The following SRGAP1 variants were observed in gnomAD, a reference collection of about 807,000 sequenced individuals.
SRGAP1 encodes SLIT-ROBO Rho GTPase-activating protein 1.
Under a neutral mutation model 121.9 loss-of-function variants are expected in SRGAP1, and 43 were observed. That is an observed-to-expected ratio of 0.35 (90% confidence interval 0.28 to 0.46). The LOEUF (loss-of-function observed/expected upper bound fraction) is 0.46, where lower values mean the gene tolerates loss of function less well. Among genes scored for constraint, SRGAP1 ranks in the 20% least tolerant of loss-of-function variants. The pLI, the probability that SRGAP1 is intolerant of heterozygous loss-of-function variation, is 1.00. For synonymous variants in SRGAP1, 447 were observed against 485.4 expected, an observed-to-expected ratio of 0.92 and a Z score of 1.04; for missense variants, 1,102 against 1,350.9, an observed-to-expected ratio of 0.82 and a Z score of 2.89.
At chr12:63,982,107 A>T (rs980517963) in intron 1 of SRGAP1, among the ~76,000 whole-genome samples, 1 of 152,014 alleles carries the variant, frequency 6.6e-6, no homozygotes, top group Non-Finnish European at 1.5e-5. Context: ...CAGCTACTCG[A>T]GGCTGAGACA....
Position 64,153,487 on chromosome 12 carries a change from A to C in SRGAP1, c.*10815A>C, listed in dbSNP as rs576006726. 2.6e-5 allele frequency: 4 copies of C among 152,032 alleles called. No individual in the cohort carries two copies. In the East Asian group the frequency reaches 7.7e-4, roughly 29 times the overall value. 9.4% of individuals were successfully genotyped at this position (152,032 alleles called of 1,614,324 possible). ...GACTCCATCTCAAAAAAAAAAAAAA[A>C]AGTAAGGTACTTAGATGTCATTCTA... On this transcript the variant is annotated 3_prime_UTR_variant, in exon 22 of 22. Coordinates refer to ENST00000355086, the MANE Select transcript of SRGAP1 (RefSeq NM_020762.4).
chr12:64,104,327 T>A (rs914186881), intron 15 of SRGAP1, among the ~76,000 whole-genome samples: 1 of 152,170 alleles, frequency 6.6e-6, no homozygotes, highest in Non-Finnish European at 1.5e-5. Context: ...GTGATCAAGG[T>A]TGGATGAATG....
intron 1 of SRGAP1, among the ~76,000 whole-genome samples, chr12:63,886,880 G>A (rs1014925604): frequency 6.6e-6 from 1 of 151,922 alleles, no homozygotes. Context: ...AAGGATTTTT[G>A]TTTTTGTTTT....
intron 1 of SRGAP1, among the ~76,000 whole-genome samples, chr12:63,944,601 C>T (rs1024699215): frequency 3.3e-5 from 5 of 152,164 alleles, no homozygotes; most frequent in African/African-American, 1.2e-4. Context: ...TGTTTCTACC[C>T]CTCCTGCACA....
At chr12:64,029,157 G>C (rs2034719708) in intron 4 of SRGAP1, among the ~76,000 whole-genome samples, 1 of 152,082 alleles carries the variant, frequency 6.6e-6, no homozygotes, top group African/African-American at 2.4e-5. Flanking sequence ...CTTCTTTCCG[G>C]GTCGCTGCCA....
At chr12:64,128,954 A>G (rs2136639819) in intron 21 of SRGAP1, among the ~76,000 whole-genome samples, 1 of 152,314 alleles carries the variant, frequency 6.6e-6, no homozygotes, top group Non-Finnish European at 1.5e-5. Context: ...CTCTTTTCAC[A>G]GCACAGGCCA....
At chr12:63,914,338 A>G (rs775439285) in intron 1 of SRGAP1, among the ~76,000 whole-genome samples, 1 of 152,222 alleles carries the variant, frequency 6.6e-6, no homozygotes, top group Non-Finnish European at 1.5e-5. Flanking sequence ...GATTGAATGA[A>G]CAAATGAATG....
chr12:63,981,181 A>C (rs2033235150), intron 1 of SRGAP1, among the ~76,000 whole-genome samples: 1 of 152,236 alleles, frequency 6.6e-6, no homozygotes, highest in Non-Finnish European at 1.5e-5. Context: ...TTAATTGTTA[A>C]ATCCATCATT....
chr12:64,051,381 A>G (rs552877205), intron 6 of SRGAP1, among the ~76,000 whole-genome samples: 2 of 152,176 alleles, frequency 1.3e-5, no homozygotes, highest in Non-Finnish European at 2.9e-5. Context: ...TCTCAAATTT[A>G]TATTTTATTA....
At chr12:64,060,488 G>A (rs1166926876) in intron 6 of SRGAP1, among the ~76,000 whole-genome samples, 5 of 152,120 alleles carry the variant, frequency 3.3e-5, no homozygotes, top group South Asian at 2.1e-4. Context: ...GATTACAGGC[G>A]TGAGCCACCG....
chr12:64,027,781 A>G (rs374957098), intron 4 of SRGAP1, among the ~76,000 whole-genome samples: 6 of 151,860 alleles, frequency 4.0e-5, no homozygotes, highest in Admixed American at 1.3e-4. Context: ...GTTCCAATAA[A>G]AGGAGTGAGA....
At chr12:64,094,214 C>T (rs1315851113) in intron 12 of SRGAP1, among the ~76,000 whole-genome samples, 1 of 152,142 alleles carries the variant, frequency 6.6e-6, no homozygotes, top group Non-Finnish European at 1.5e-5. Context: ...AGCCCTTCAT[C>T]TCATTTGTCA....
At chr12:63,855,321 A>C (rs1337554308) in intron 1 of SRGAP1, among the ~76,000 whole-genome samples, 1 of 152,056 alleles carries the variant, frequency 6.6e-6, no homozygotes, top group Non-Finnish European at 1.5e-5. Context: ...TTACTTAACC[A>C]GTGGGAACTT....
chr12:64,100,753 A>G (rs977872482), intron 15 of SRGAP1, among the ~76,000 whole-genome samples: 1 of 152,190 alleles, frequency 6.6e-6, no homozygotes, highest in Admixed American at 6.5e-5. Flanking sequence ...CTTAAGAAAG[A>G]GAGGATTCTT....
At chr12:64,060,978 C>T (rs2035440836) in intron 6 of SRGAP1, among the ~76,000 whole-genome samples, 1 of 152,182 alleles carries the variant, frequency 6.6e-6, no homozygotes, top group Non-Finnish European at 1.5e-5. Flanking sequence ...TTGAACTTCA[C>T]TGGAACAATA....
At chr12:63,882,873 A>G (rs1900242279) in intron 1 of SRGAP1, among the ~76,000 whole-genome samples, 1 of 152,258 alleles carries the variant, frequency 6.6e-6, no homozygotes, top group East Asian at 1.9e-4. Flanking sequence ...CATTTTGTAG[A>G]CATTTCATAA....
chr12:63,919,759 A>G (rs1019307468), intron 1 of SRGAP1, among the ~76,000 whole-genome samples: 19 of 152,222 alleles, frequency 1.2e-4, no homozygotes, highest in African/African-American at 4.6e-4. Context: ...CATAAGTACT[A>G]TACAGCTAAT....
chr12:63,954,262 A>G (rs1283246634), intron 1 of SRGAP1, among the ~76,000 whole-genome samples: 1 of 152,256 alleles, frequency 6.6e-6, no homozygotes, highest in Non-Finnish European at 1.5e-5. Context: ...CAGAAAAGTT[A>G]ACATTCTAGC....
At chr12:63,997,472 A>T (rs2033745548) in intron 3 of SRGAP1, among the ~76,000 whole-genome samples, 1 of 152,166 alleles carries the variant, frequency 6.6e-6, no homozygotes, top group Non-Finnish European at 1.5e-5. Context: ...ATAAGTGGTC[A>T]AGGAATGCTT....
Sources: gnomAD v4.1 joint callset for allele counts (sites outside exome capture counted in the v4.1 genomes callset) on GRCh38, gnomAD v4.1.1 for gene constraint, MANE v1.5 for transcripts, NCBI Gene and HGNC (gene_info 2026-07-23, HGNC 2026-07-21) for gene names.